Variants in TLE4 observed in about 807,000 individuals in gnomAD.
TLE4 encodes the protein TLE family member 4, transcriptional corepressor.
In TLE4, 8 loss-of-function variants were observed where a neutral mutation model predicts 92.8. That is an observed-to-expected ratio of 0.09 (90% confidence interval 0.05 to 0.16). The LOEUF (loss-of-function observed/expected upper bound fraction) is 0.16. TLE4 is among the 10% of genes least tolerant of loss of function. TLE4 has a pLI of 1.00. For synonymous variants in TLE4, 371 were observed against 374.1 expected (o/e 0.99, Z 0.10); for missense variants, 675 against 997.6 (o/e 0.68, Z 4.36).
intron 8 of TLE4, among the ~76,000 whole-genome samples, chr9:79,666,163 CTG>C (rs34558090): frequency 0.56 from 71,268 of 126,216 alleles, 20,016 homozygotes; most frequent in Middle Eastern, 0.66. Flanking sequence ...TTTCCTTCAT[CTG>C]TGTGTGTGTG....
intron 6 of TLE4, among the ~76,000 whole-genome samples, chr9:79,648,223 G>T (rs1283189702): frequency 1.3e-5 from 2 of 152,160 alleles, no homozygotes; most frequent in African/African-American, 4.8e-5. Context: ...ATTTTCAGTA[G>T]TATCAGAGTT....
At position 79,718,738 on chromosome 9, in the gene TLE4, G is replaced by A; in HGVS notation, c.1357G>A (p.Val453Ile). Residue 453 changes from valine (V) to isoleucine (I), a missense_variant, in exon 15 of 20, where the codon GTT becomes ATT. Physicochemically the swap from Val to Ile is conservative, Grantham distance 29. Transcript: ENST00000376552. The stretch of plus-strand genomic sequence containing the variant: ...TTGCCTTAGAGCATACTCCTTCCAT[G>A]TTAGCGCAGATGGTCAGATGCAGCC... ...PGGKPAYSFH[V>I]SADGQMQPVP... 1 of 1,613,858 alleles carries A rather than the reference G, an allele frequency of 6.2e-7. No individual in the cohort carries two copies. Among genetic ancestry groups the A allele is most frequent in the Non-Finnish European group, 8.5e-7 (1 of 1,179,894 alleles).
At chr9:79,690,118 T>C (rs947772256) in intron 8 of TLE4, among the ~76,000 whole-genome samples, 2 of 152,216 alleles carry the variant, frequency 1.3e-5, no homozygotes, top group Non-Finnish European at 2.9e-5. Flanking sequence ...CTTGTTGCTC[T>C]ATACCTTACT....
At chr9:79,710,909 C>T (rs1260214281) in intron 14 of TLE4, among the ~76,000 whole-genome samples, 3 of 152,160 alleles carry the variant, frequency 2.0e-5, no homozygotes, top group Admixed American at 2.0e-4. Flanking sequence ...TAGTGGTGCT[C>T]ACGGTATGGA....
In TLE4 at chr9:79,708,127, T is replaced by C. The variant is rs1565096674; in HGVS notation, c.946T>C (p.Ser316Pro). The C allele has an allele frequency of 6.2e-7, 1 of 1,613,978 alleles. No homozygotes were observed. The highest frequency in any genetic ancestry group is 1.7e-5 in the Admixed American group (1 of 59,954). The change falls in exon 12 of 20, where the codon TCT becomes CCT. Residue 316 changes from serine to proline, a missense_variant. Ser to Pro is a moderately conservative substitution (Grantham distance 74). Around this residue, in one of 5 missense-constraint regions of TLE4, gnomAD observed 280 missense variants for 287.3 expected, o/e 0.97. Coordinates refer to ENST00000376552, the MANE Select transcript of TLE4 (RefSeq NM_007005.6). ...CATTTCATCTTGTTAGAATGAAAAA[T>C]CTACTACTCCCGTCTCAAAGTCCAA... ...KSKELSLNEK[S>P]TTPVSKSNTP... is the part of the protein sequence containing the mutation.
At chr9:79,669,250 TTATC>T (rs1173428138) in intron 8 of TLE4, among the ~76,000 whole-genome samples, 1 of 152,084 alleles carries the variant, frequency 6.6e-6, no homozygotes, top group African/African-American at 2.4e-5. Flanking sequence ...TCTGAACAGT[TTATC>T]TAAATAGGTC....
chr9:79,692,272 G>A (rs1471943763), intron 8 of TLE4, among the ~76,000 whole-genome samples: 1 of 152,194 alleles, frequency 6.6e-6, no homozygotes, highest in Non-Finnish European at 1.5e-5. Context: ...ACCAATCCAG[G>A]AGGGCAGGAA....
intron 17 of TLE4, 110 bp downstream of exon 17, chr9:79,721,998 C>G (rs2075724731): frequency 6.9e-7 from 1 of 1,446,588 alleles, no homozygotes; most frequent in Non-Finnish European, 9.1e-7. Flanking sequence ...AACCCCATCT[C>G]TACTAAAAGT....
intron 3 of TLE4, 61 bp from the exon 4 acceptor site, chr9:79,576,072 A>G: frequency 8.1e-7 from 1 of 1,231,756 alleles, no homozygotes; most frequent in Non-Finnish European, 1.1e-6. Flanking sequence ...GGCATTTTGA[A>G]CAAACTAGGG....
chr9:79,721,694 T>C (rs765447604), intron 16 of TLE4, 47 bp from the exon 17 acceptor site: 16 of 1,612,150 alleles, frequency 9.9e-6, no homozygotes, highest in Non-Finnish European at 1.4e-5. Context: ...TGATTTTAAC[T>C]AAAAGCTAAC....
At chr9:79,606,996 G>T (rs1588002600) in intron 4 of TLE4, among the ~76,000 whole-genome samples, 1 of 152,140 alleles carries the variant, frequency 6.6e-6, no homozygotes, top group South Asian at 2.1e-4. Flanking sequence ...CCCACACAGT[G>T]TAAAAGCCTT....
At chr9:79,717,749 A>G (rs552569840) in intron 14 of TLE4, among the ~76,000 whole-genome samples, 3 of 152,136 alleles carry the variant, frequency 2.0e-5, no homozygotes, top group East Asian at 1.9e-4. Context: ...TTTGTAAACT[A>G]TTTTCTGTAA....
At chr9:79,716,064 TC>T (rs749701941) in intron 14 of TLE4, among the ~76,000 whole-genome samples, 15 of 152,190 alleles carry the variant, frequency 9.9e-5, no homozygotes, top group Non-Finnish European at 2.1e-4. Flanking sequence ...CACCCAGCAA[TC>T]AGAAGATCAT....
intron 1 of TLE4, 66 bp downstream of exon 1, chr9:79,572,901 C>T (rs2036217487): frequency 6.5e-7 from 1 of 1,529,898 alleles, no homozygotes; most frequent in Non-Finnish European, 8.9e-7. Flanking sequence ...GCCCCCTGCG[C>T]ACCGAGTTGT....
intron 8 of TLE4, among the ~76,000 whole-genome samples, chr9:79,662,052 C>A (rs546410611): frequency 1.3e-5 from 2 of 152,202 alleles, no homozygotes; most frequent in African/African-American, 4.8e-5. Flanking sequence ...ATTCCATCCC[C>A]TCTGCATCCA....
intron 8 of TLE4, among the ~76,000 whole-genome samples, chr9:79,670,667 T>C (rs976660620): frequency 6.6e-6 from 1 of 152,182 alleles, no homozygotes; most frequent in African/African-American, 2.4e-5. Flanking sequence ...CTTCTGTGCA[T>C]GTGGCATGCT....
At chr9:79,592,229 T>TCCTCTTCCTCTTC (rs5898637) in intron 4 of TLE4, among the ~76,000 whole-genome samples, 1 of 133,094 alleles carries the variant, frequency 7.5e-6, no homozygotes, top group Admixed American at 7.7e-5. Flanking sequence ...TTCTTCTTCT[T>TCCTCTTCCTCTTC]CTTCTTCCTT....
At chr9:79,597,355 C>G (rs1179558949) in intron 4 of TLE4, among the ~76,000 whole-genome samples, 2 of 152,160 alleles carry the variant, frequency 1.3e-5, no homozygotes, top group African/African-American at 4.8e-5. Context: ...TTTAGGGTCC[C>G]TTCTCTGACC....
chr9:79,650,196 G>C (rs985850895), intron 6 of TLE4, among the ~76,000 whole-genome samples: 1 of 152,052 alleles, frequency 6.6e-6, no homozygotes, highest in Non-Finnish European at 1.5e-5. Flanking sequence ...GATTACAGGC[G>C]TGAGCCACTG....
Sources: allele counts gnomAD v4.1 joint callset (sites outside exome capture counted in the v4.1 genomes callset), GRCh38; gene constraint gnomAD v4.1.1; regional missense constraint gnomAD v4.1.1; transcripts MANE v1.5; gene names NCBI Gene and HGNC (gene_info 2026-07-23, HGNC 2026-07-21).